The following PLPPR1 variants were observed in gnomAD, a reference collection of about 807,000 sequenced individuals.
PLPPR1 encodes phospholipid phosphatase-related protein type 1.
PLPPR1 carries 10 observed loss-of-function variants against 33.1 expected under a neutral mutation model. The observed-to-expected ratio is 0.30, with a 90% CI of 0.19 to 0.51. The LOEUF is 0.51. Ranked by LOEUF, PLPPR1 falls within the 20% of genes least tolerant of loss-of-function variation. PLPPR1 has a pLI of 0.97. For synonymous variants in PLPPR1, 151 were observed against 151.0 expected (o/e 1.00, Z 0.00); for missense variants, 304 against 408.1 (o/e 0.74, Z 2.20).
intron 2 of PLPPR1, among the ~76,000 whole-genome samples, chr9:101,262,861 G>A (rs1410414074): frequency 6.6e-6 from 1 of 152,120 alleles, no homozygotes; most frequent in Non-Finnish European, 1.5e-5. Flanking sequence ...GCAAGGACAT[G>A]GATGAAGCAG....
chr9:101,268,036 T>A (rs919371515), intron 2 of PLPPR1, among the ~76,000 whole-genome samples: 2 of 151,886 alleles, frequency 1.3e-5, no homozygotes. Context: ...TTCTCACTCA[T>A]AGGTGAGAAT....
intron 4 of PLPPR1, among the ~76,000 whole-genome samples, chr9:101,304,005 G>A (rs1828799482): frequency 2.6e-5 from 4 of 152,230 alleles, no homozygotes; most frequent in Admixed American, 2.0e-4. Flanking sequence ...TATTTGTTGT[G>A]TATGACATAG....
chr9:101,123,295 T>C (rs1231593107), intron 1 of PLPPR1, among the ~76,000 whole-genome samples: 1 of 151,576 alleles, frequency 6.6e-6, no homozygotes, highest in Non-Finnish European at 1.5e-5. Flanking sequence ...AATATTTTTA[T>C]GGTTAGGTCT....
At chr9:101,283,255 C>G (rs769879611) in intron 3 of PLPPR1, among the ~76,000 whole-genome samples, 2 of 152,216 alleles carry the variant, frequency 1.3e-5, no homozygotes, top group African/African-American at 4.8e-5. Flanking sequence ...ATCACACTAT[C>G]TGACTTCTAA....
intron 1 of PLPPR1, among the ~76,000 whole-genome samples, chr9:101,042,196 T>C (rs1830085327): frequency 6.6e-6 from 1 of 152,144 alleles, no homozygotes; most frequent in African/African-American, 2.4e-5. Context: ...AATAGAGCAT[T>C]TGGAGGAGAG....
At chr9:101,177,077 GC>G (rs1826029527) in intron 1 of PLPPR1, among the ~76,000 whole-genome samples, 1 of 152,100 alleles carries the variant, frequency 6.6e-6, no homozygotes, top group African/African-American at 2.4e-5. Context: ...TTGTTCTTTT[GC>G]TCAAGATTGC....
At chr9:101,201,070 C>T (rs735847) in intron 2 of PLPPR1, among the ~76,000 whole-genome samples, 6 of 152,080 alleles carry the variant, frequency 3.9e-5, no homozygotes, top group African/African-American at 1.4e-4. Flanking sequence ...GGGAATTCCA[C>T]GGTCAAGCTT....
chr9:101,046,042 C>A (rs1332019251), intron 1 of PLPPR1, among the ~76,000 whole-genome samples: 1 of 152,100 alleles, frequency 6.6e-6, no homozygotes, highest in African/African-American at 2.4e-5. Context: ...ATTAACTAAC[C>A]AACACTGGTT....
chr9:101,175,011 T>G (rs1011850308), intron 1 of PLPPR1, among the ~76,000 whole-genome samples: 2 of 152,196 alleles, frequency 1.3e-5, no homozygotes, highest in Admixed American at 1.3e-4. Flanking sequence ...CAAATTTTGG[T>G]AGCATCTATA....
At chr9:101,128,592 G>C (rs1322236574) in intron 1 of PLPPR1, among the ~76,000 whole-genome samples, 2 of 152,150 alleles carry the variant, frequency 1.3e-5, no homozygotes, top group African/African-American at 4.8e-5. Flanking sequence ...AACATGACAG[G>C]AGGGTGATGT....
intron 1 of PLPPR1, among the ~76,000 whole-genome samples, chr9:101,166,032 A>C (rs3097687): frequency 0.69 from 105,403 of 151,982 alleles, 36,969 homozygotes; most frequent in Non-Finnish European, 0.72. Context: ...CAGATCATGG[A>C]AGTTTTCTTC....
At chr9:101,199,714 G>C (rs1826460468) in intron 2 of PLPPR1, among the ~76,000 whole-genome samples, 1 of 152,192 alleles carries the variant, frequency 6.6e-6, no homozygotes, top group Non-Finnish European at 1.5e-5. Flanking sequence ...GCCTGAGATA[G>C]AGATCTTTAT....
intron 4 of PLPPR1, among the ~76,000 whole-genome samples, chr9:101,296,054 C>G (rs1200870223): frequency 6.6e-6 from 1 of 152,054 alleles, no homozygotes; most frequent in African/African-American, 2.4e-5. Context: ...ACCTACTCAT[C>G]TGACAAAGGG....
chr9:101,286,011 G>C, intron 3 of PLPPR1, 93 bp from the exon 4 acceptor site: 1 of 908,402 alleles, frequency 1.1e-6, no homozygotes, highest in East Asian at 2.4e-5. Flanking sequence ...AATGATTGTG[G>C]GTCCTCAACA....
chr9:101,270,920 A>G (rs1828086149), intron 3 of PLPPR1, among the ~76,000 whole-genome samples: 1 of 152,102 alleles, frequency 6.6e-6, no homozygotes, highest in Non-Finnish European at 1.5e-5. Flanking sequence ...CCTGCCCTCT[A>G]TTCGGCAGTA....
rs79060928 is a variant in PLPPR1 at position 101,226,110 on chromosome 9, C to T, written c.63+40553C>T. Among the ~76,000 whole-genome samples the T allele has an allele frequency of 9.5e-4, 145 of 152,270 alleles. 1 individual carries two copies. The highest frequency in any genetic ancestry group is 3.3e-3 in the African/African-American group (137 of 41,568). Reference sequence around the variant, plus strand: ...CAATCTAATTTCCTGAGCTTACCCTCCTGACATGATGGTTTAGCTGCTTGC... The same window carrying T: ...CAATCTAATTTCCTGAGCTTACCCTTCTGACATGATGGTTTAGCTGCTTGC... On this transcript the variant is annotated intron_variant, in intron 2 of 7. Transcript: ENST00000374874.
chr9:101,247,297 T>C (rs1827628474), intron 2 of PLPPR1, among the ~76,000 whole-genome samples: 1 of 151,816 alleles, frequency 6.6e-6, no homozygotes, highest in Non-Finnish European at 1.5e-5. Flanking sequence ...GATTTTTCCA[T>C]GGGAGAGAAA....
intron 1 of PLPPR1, among the ~76,000 whole-genome samples, chr9:101,031,919 G>A (rs1829950064): frequency 6.6e-6 from 1 of 152,148 alleles, no homozygotes; most frequent in Non-Finnish European, 1.5e-5. Context: ...TATAGAGTGA[G>A]TTTTTTAGAG....
At chr9:101,262,531 T>G (rs550272030) in intron 2 of PLPPR1, among the ~76,000 whole-genome samples, 15 of 152,256 alleles carry the variant, frequency 9.9e-5, no homozygotes, top group African/African-American at 3.6e-4. Flanking sequence ...TGTGGAGAAA[T>G]AGGAATGCTT....
Sources: allele counts gnomAD v4.1 joint callset (sites outside exome capture counted in the v4.1 genomes callset), GRCh38; gene constraint gnomAD v4.1.1; transcripts MANE v1.5; gene names NCBI Gene and HGNC (gene_info 2026-07-23, HGNC 2026-07-21).